The following MLIP variants were observed in gnomAD, a reference collection of about 807,000 sequenced individuals.
The protein encoded by MLIP is muscular LMNA interacting protein, also known as muscular LMNA-interacting protein.
In MLIP, 79 loss-of-function variants were observed where a neutral mutation model predicts 84.8. The observed-to-expected ratio is 0.93, with a 90% confidence interval of 0.78 to 1.12. The LOEUF (loss-of-function observed/expected upper bound fraction) is 1.12. Among genes scored for constraint, MLIP ranks in the 50% most tolerant of loss-of-function variants. The probability of loss-of-function intolerance (pLI) is 0.00; values close to 1 mark genes in which losing one functional copy is unlikely to be tolerated. For synonymous variants in MLIP, 504 were observed against 463.0 expected, an observed-to-expected ratio of 1.09 and a Z score of -1.14; for missense variants, 1,257 against 1,160.6, an observed-to-expected ratio of 1.08 and a Z score of -1.21.
chr6:54,160,710 T>A (rs761418936), intron 7 of MLIP, 30 bp from the exon 8 acceptor site: 15 of 1,532,194 alleles, frequency 9.8e-6, no homozygotes, highest in Non-Finnish European at 1.4e-5. Flanking sequence ...CCTTTTCTCT[T>A]CTTCTTTCCT....
intron 1 of MLIP, among the ~76,000 whole-genome samples, chr6:54,036,221 G>A (rs1764428244): frequency 7.0e-6 from 1 of 143,744 alleles, no homozygotes; most frequent in African/African-American, 2.6e-5. Flanking sequence ...ATTTTCCTGT[G>A]ATTTTAGTTA....
chr6:54,219,852 T>G (rs1582539858), intron 11 of MLIP, among the ~76,000 whole-genome samples: 1 of 152,306 alleles, frequency 6.6e-6, no homozygotes, highest in East Asian at 1.9e-4. Context: ...TGGCCATTCC[T>G]TAAGCCTGTT....
intron 1 of MLIP, among the ~76,000 whole-genome samples, chr6:54,048,496 G>T (rs967422766): frequency 5.9e-5 from 9 of 152,142 alleles, no homozygotes. Context: ...CATGCACCCA[G>T]TTTACAGTGG....
At position 54,266,020 on chromosome 6, in the gene MLIP, G is replaced by T; in HGVS notation, c.*65G>T. The stretch of plus-strand genomic sequence containing the variant: ...TTTGGAATGCTGGTGCTAACCACTT[G>T]CTAGATTTAACTTTTTTTTTTTTTT... On this transcript the variant is annotated 3_prime_UTR_variant, in exon 14 of 14. Transcript: ENST00000502396. 4.5e-6 allele frequency: 7 copies of T among 1,546,354 alleles called. No homozygotes were observed. Among genetic ancestry groups the T allele is most frequent in the South Asian group, 1.2e-5 (1 of 85,146 alleles).
In MLIP at chr6:54,117,211, CTT is replaced by C. The variant is rs200691416; in HGVS notation, c.97-4215_97-4214del. Among the ~76,000 whole-genome samples the C allele has an allele frequency of 1.5e-3, 174 of 117,818 alleles. 1 individual carries two copies. The highest frequency in any genetic ancestry group is 5.0e-3 in the African/African-American group (160 of 31,834). The allele number at this position is 117,818 out of a possible 152,430, so 77.3% of individuals were successfully genotyped here. A position where few individuals can be genotyped will look rare whatever the true frequency, so the allele number is the denominator to read the frequency against. On this transcript the variant is annotated intron_variant, in intron 1 of 13. Coordinates refer to ENST00000502396, the MANE Select transcript of MLIP (RefSeq NM_001281747.2). ...GACAAGGATGCCACTCTATTTCTGT[CTT>C]TTTTTTTTTTTTTTTTTTTTGAGAT...
intron 1 of MLIP, among the ~76,000 whole-genome samples, chr6:54,042,415 A>G (rs1364410178): frequency 2.0e-5 from 3 of 151,870 alleles, no homozygotes; most frequent in Non-Finnish European, 4.4e-5. Flanking sequence ...CTTTGATTTT[A>G]ATAGATATAT....
intron 10 of MLIP, among the ~76,000 whole-genome samples, chr6:54,196,873 A>G (rs1778335373): frequency 6.6e-6 from 1 of 152,164 alleles, no homozygotes; most frequent in Non-Finnish European, 1.5e-5. Context: ...GGAGAAAATA[A>G]AGCAGGTAAG....
At chr6:54,180,155 C>T (rs914740949) in intron 9 of MLIP, among the ~76,000 whole-genome samples, 7 of 152,064 alleles carry the variant, frequency 4.6e-5, no homozygotes, top group African/African-American at 1.7e-4. Flanking sequence ...ATCTCCTGGC[C>T]TGTAATGTTT....
Position 54,079,761 on chromosome 6 carries a change from G to A in MLIP, c.64-41686G>A, listed in dbSNP as rs191138849. 19 of 152,288 alleles carry A rather than the reference G, an allele frequency of 1.2e-4. No homozygotes were observed. In the East Asian group the frequency reaches 3.5e-3, roughly 28 times the overall value. 9.4% of individuals were successfully genotyped at this position (152,288 alleles called of 1,614,324 possible). On this transcript the variant is annotated intron_variant, in intron 1 of 12. Coordinates refer to the MLIP transcript ENST00000274897. ...TTAAAAAGATTCACCAAAAGCAATA[G>A]TATCCTCAGCTTGGTTTCACCTCTT... is the stretch of plus-strand genomic sequence containing the variant.
At chr6:54,133,682 G>A (rs778352987) in intron 3 of MLIP, among the ~76,000 whole-genome samples, 1 of 152,178 alleles carries the variant, frequency 6.6e-6, no homozygotes, top group Non-Finnish European at 1.5e-5. Context: ...TTCTACAATA[G>A]AGATTGGTTG....
At chr6:54,122,151 TA>T (rs1770512441) in intron 2 of MLIP, among the ~76,000 whole-genome samples, 1 of 151,998 alleles carries the variant, frequency 6.6e-6, no homozygotes, top group African/African-American at 2.4e-5. Context: ...CCCAAGGAAA[TA>T]TTACAAAAGA....
At chr6:54,020,311 T>G (rs533169137) in intron 1 of MLIP, among the ~76,000 whole-genome samples, 27 of 152,334 alleles carry the variant, frequency 1.8e-4, no homozygotes, top group African/African-American at 6.0e-4. Flanking sequence ...CTAAGCCTAT[T>G]TTTAAACTGT....
At chr6:54,135,402 T>C (rs1771714879) in intron 3 of MLIP, among the ~76,000 whole-genome samples, 1 of 152,120 alleles carries the variant, frequency 6.6e-6, no homozygotes, top group Non-Finnish European at 1.5e-5. Flanking sequence ...TGGGTATGTT[T>C]ACTTAGAAAC....
At chr6:54,087,122 G>C (rs891280487) in intron 1 of MLIP, among the ~76,000 whole-genome samples, 5 of 152,196 alleles carry the variant, frequency 3.3e-5, no homozygotes, top group Non-Finnish European at 7.4e-5. Context: ...GCTCAGTCAA[G>C]ATTTTTTGAA....
At chr6:54,202,308 A>C (rs969219153) in intron 11 of MLIP, 75 bp downstream of exon 11, 77 of 741,496 alleles carry the variant, frequency 1.0e-4, no homozygotes, top group Non-Finnish European at 1.3e-4. Flanking sequence ...AAATATATAA[A>C]TATATTTTGA....
chr6:54,195,867 A>C (rs1438655167), intron 10 of MLIP, among the ~76,000 whole-genome samples: 1 of 152,126 alleles, frequency 6.6e-6, no homozygotes, highest in African/African-American at 2.4e-5. Context: ...TGGTATTAAG[A>C]GTTTTATTGC....
At chr6:54,048,541 C>T (rs2150313506) in intron 1 of MLIP, among the ~76,000 whole-genome samples, 1 of 152,278 alleles carries the variant, frequency 6.6e-6, no homozygotes, top group African/African-American at 2.4e-5. Context: ...CTGCAACTGG[C>T]TTCGATCTAC....
At chr6:54,159,539 G>T (rs1217118067) in intron 5 of MLIP, among the ~76,000 whole-genome samples, 1 of 151,978 alleles carries the variant, frequency 6.6e-6, no homozygotes, top group Non-Finnish European at 1.5e-5. Context: ...GAAAAATATG[G>T]CACTAGGTTG....
intron 10 of MLIP, among the ~76,000 whole-genome samples, chr6:54,190,622 G>A (rs1315524965): frequency 6.6e-6 from 1 of 151,898 alleles, no homozygotes; most frequent in Non-Finnish European, 1.5e-5. Context: ...CTCAACAGTG[G>A]GGACTACATT....
Sources: allele counts gnomAD v4.1 joint callset (sites outside exome capture counted in the v4.1 genomes callset), GRCh38; gene constraint gnomAD v4.1.1; transcripts MANE v1.5; gene names NCBI Gene and HGNC (gene_info 2026-07-23, HGNC 2026-07-21).